LAMA1: variants seen among roughly 807,000 people sequenced by gnomAD.
LAMA1 encodes laminin subunit alpha-1.
Under a neutral mutation model 348.7 loss-of-function variants are expected in LAMA1, and 219 were observed. That is an observed-to-expected ratio of 0.63 (90% CI 0.56 to 0.70). The LOEUF (loss-of-function observed/expected upper bound fraction) is 0.70, where lower values mean the gene tolerates loss of function less well. Ranked by LOEUF, LAMA1 falls within the 30% of genes least tolerant of loss-of-function variation. The probability of loss-of-function intolerance (pLI) is 0.00; values close to 1 mark genes in which losing one functional copy is unlikely to be tolerated. For synonymous variants in LAMA1, 1,487 were observed against 1,491.0 expected (o/e 1.00, Z 0.06); for missense variants, 3,744 against 3,888.0 (o/e 0.96, Z 0.99).
At chr18:7,022,886 C>T (rs945299574) in intron 19 of LAMA1, among the ~76,000 whole-genome samples, 7 of 152,092 alleles carry the variant, frequency 4.6e-5, no homozygotes, top group Non-Finnish European at 7.4e-5. Flanking sequence ...GGAGCAGAGC[C>T]GGAACTCTGT....
rs762479359 is a variant in LAMA1 at position 7,040,109 on chromosome 18, A to G, written c.1389T>C (p.Ser463=). ...CACAGGGCCCTGTGCAGGGCTCATC[A>G]CTGGCACTGCCCACTGGGTTGCACC... ...SCGCNPVGSA[S]DEPCTGPCVC... is the part of the protein sequence containing the mutation. The change falls in exon 10 of 63, where the codon AGT becomes AGC. Residue 463 remains serine (S), a synonymous_variant. Coordinates refer to ENST00000389658, the MANE Select transcript of LAMA1 (RefSeq NM_005559.4). The G allele has an allele frequency of 6.2e-7, 1 of 1,614,060 alleles. No individual in the cohort carries two copies. The highest frequency in any genetic ancestry group is 1.1e-5 in the South Asian group (1 of 91,072).
At chr18:6,988,808 TAA>T (rs1169877701) in intron 36 of LAMA1, among the ~76,000 whole-genome samples, 10 of 100,452 alleles carry the variant, frequency 1.0e-4, no homozygotes, top group East Asian at 5.8e-4. Flanking sequence ...TCCGTCTCAA[TAA>T]AAAAAAAAAA....
chr18:7,038,697 G>A, intron 11 of LAMA1, 113 bp downstream of exon 11: 2 of 1,369,692 alleles, frequency 1.5e-6, no homozygotes, highest in South Asian at 1.2e-5. Flanking sequence ...ATTGCATAGC[G>A]ATGAGAGTGG....
Position 7,034,643 on chromosome 18 carries a change from C to T in LAMA1, c.1887G>A (p.Gln629=), listed in dbSNP as rs1303885526. 1.2e-6 allele frequency: 2 copies of T among 1,614,070 alleles called. No homozygotes were observed. The highest frequency in any genetic ancestry group is 1.3e-5 in the African/African-American group (1 of 74,938). The change falls in exon 14 of 63, where the codon CAG becomes CAA. Residue 629 remains glutamine (Q), a synonymous_variant. Coordinates refer to ENST00000389658, the MANE Select transcript of LAMA1 (RefSeq NM_005559.4). ...LSTQAEGLSL[Q]PYEEYLNVVR... is the part of the protein sequence containing the mutation. ...CCACGTTTAGGTACTCTTCATAAGG[C>T]TGCAATGACAGACCCTCAGCCTGTG...
At chr18:6,995,283 C>T in intron 34 of LAMA1, 74 bp downstream of exon 34, 4 of 971,538 alleles carry the variant, frequency 4.1e-6, no homozygotes, top group Non-Finnish European at 6.7e-6. Flanking sequence ...TTCCAGACAG[C>T]CCCAAGGCAA....
chr18:6,982,362 GAA>G, intron 41 of LAMA1, 133 bp downstream of exon 41: 1 of 806,996 alleles, frequency 1.2e-6, no homozygotes, highest in Non-Finnish European at 2.2e-6. Context: ...TATATGATAG[GAA>G]ATTGGAATAT....
In LAMA1 at chr18:7,117,662, C is replaced by T. The variant is rs1171968974; in HGVS notation, c.59G>A (p.Arg20Lys). ...CCTAGGACCCGGGCCGGGCTCACCT[C>T]TCTGCCGGCACTGCGCGGCGACACA... ...LLCVAAQCRQ[R>K]GLFPAILNLA... Residue 20 changes from arginine to lysine, a missense_variant and splice_region_variant, in exon 1 of 63, where the codon AGA becomes AAA. Around this residue, in one of 3 missense-constraint regions of LAMA1, gnomAD observed 1,529 missense variants for 1,689.4 expected, o/e 0.91. Coordinates refer to ENST00000389658, the MANE Select transcript of LAMA1 (RefSeq NM_005559.4). 6.3e-7 allele frequency: 1 copy of T among 1,598,172 alleles called. No individual in the cohort carries two copies. The highest frequency in any genetic ancestry group is 8.5e-7 in the Non-Finnish European group (1 of 1,178,610).
At position 6,943,282 on chromosome 18, in the gene LAMA1, T is replaced by TA. The variant is rs2143959141; in HGVS notation, c.8964dup (p.Ile2989TyrfsTer6). On this transcript the variant is annotated frameshift_variant, in exon 62 of 63. Transcript: ENST00000389658. LOFTEE classifies it high-confidence loss of function. ...GCGTTCCCGTCAACAATCAGAGTGA[T>TA]ACGGTGTTTGCTTTTGTTAGCTTGA... 1 of 1,614,218 alleles carries TA rather than the reference T, an allele frequency of 6.2e-7. No homozygotes were observed. The highest frequency in any genetic ancestry group is 2.2e-5 in the East Asian group (1 of 44,874).
intron 3 of LAMA1, among the ~76,000 whole-genome samples, chr18:7,062,946 C>T (rs942396480): frequency 6.6e-6 from 1 of 152,148 alleles, no homozygotes; most frequent in Admixed American, 6.5e-5. Context: ...AGAAAACACA[C>T]GAGCATCACA....
chr18:7,093,868 G>A (rs1222040146), intron 1 of LAMA1, among the ~76,000 whole-genome samples: 4 of 150,378 alleles, frequency 2.7e-5, no homozygotes, highest in East Asian at 4.0e-4. Flanking sequence ...TCCGCCTCCC[G>A]GGTTCAAGGG....
At chr18:7,070,474 G>A (rs2143763958) in intron 3 of LAMA1, among the ~76,000 whole-genome samples, 1 of 152,272 alleles carries the variant, frequency 6.6e-6, no homozygotes, top group Admixed American at 6.5e-5. Flanking sequence ...CCTTGTCGAT[G>A]TGCTTAATAA....
chr18:6,994,759 A>G (rs2057773864), intron 34 of LAMA1, among the ~76,000 whole-genome samples: 1 of 152,140 alleles, frequency 6.6e-6, no homozygotes, highest in Non-Finnish European at 1.5e-5. Flanking sequence ...CACCATCTGC[A>G]GAAGGGGAGA....
At position 6,943,184 on chromosome 18, in the gene LAMA1, A is replaced by G. The variant is rs962082562; in HGVS notation, c.9063T>C (p.Tyr3021=). 3 of 1,613,954 alleles carry G rather than the reference A, an allele frequency of 1.9e-6. No homozygotes were observed. The highest frequency in any genetic ancestry group is 1.1e-5 in the South Asian group (1 of 91,070). ...DTNNPIYVGG[Y]PAGVKQKCLR... ...AGAGCAGGTACCCGTACATACCAGG[A>G]TAGCCACCAACATAAATGGGATTGT... The change falls in exon 62 of 63, where the codon TAT becomes TAC. Residue 3021 remains tyrosine (Y), a synonymous_variant. Transcript: ENST00000389658.
At chr18:7,101,657 T>C (rs954132394) in intron 1 of LAMA1, among the ~76,000 whole-genome samples, 16 of 152,280 alleles carry the variant, frequency 1.1e-4, no homozygotes, top group Middle Eastern at 3.4e-3. Flanking sequence ...AAAAAGTGGA[T>C]ACACGTTTTA....
rs200639472 is a variant in LAMA1 at position 6,961,611 on chromosome 18, C to T, written c.7601G>A (p.Arg2534Gln). The T allele has an allele frequency of 1.1e-4, 176 of 1,613,734 alleles. No homozygotes were observed. The highest frequency in any genetic ancestry group is 3.0e-4 in the Admixed American group (18 of 60,000). The change falls in exon 53 of 63, where the codon CGG (arginine) becomes CAG (glutamine). Residue 2534 changes from arginine to glutamine, a missense_variant. This residue lies in a region of LAMA1 where 1,983 missense variants were observed against 1,934.3 expected (regional missense o/e 1.03). Transcript: ENST00000389658. Reference protein sequence around the residue: ...LAALGGDVEKRGDREEAHVPF... With the variant: ...LAALGGDVEKQGDREEAHVPF... ...CACGTGTGCTTCCTCACGATCACCC[C>T]GCTTCTCCACATCCCCGCCGAGGGC...
chr18:7,072,438 T>C (rs1450677982), intron 3 of LAMA1, among the ~76,000 whole-genome samples: 2 of 152,100 alleles, frequency 1.3e-5, no homozygotes, highest in African/African-American at 4.8e-5. Flanking sequence ...CAAAACCCAA[T>C]AGTTAATACA....
intron 3 of LAMA1, among the ~76,000 whole-genome samples, chr18:7,057,471 CTTTTTTT>C (rs552843703): frequency 4.0e-4 from 36 of 90,808 alleles, no homozygotes; most frequent in Admixed American, 1.0e-3. Flanking sequence ...CTTTTCTTTT[CTTTTTTT>C]TTTTTTTTTT....
chr18:7,099,285 T>C (rs1009143394), intron 1 of LAMA1, among the ~76,000 whole-genome samples: 15 of 149,532 alleles, frequency 1.0e-4, no homozygotes, highest in African/African-American at 3.7e-4. Flanking sequence ...TCGTTAAGAG[T>C]CATCACCACT....
rs1458939115 is a variant in LAMA1, at chr18:7,023,260, C to T, written c.2605G>A (p.Glu869Lys). Residue 869 changes from glutamate (E) to lysine (K), a missense_variant, in exon 19 of 63, where the codon GAG (glutamate) becomes AAG (lysine). Glu to Lys is a moderately conservative substitution (Grantham distance 56). Transcript: ENST00000389658. ...GTGTTCCCCAGGCACTTCAGGCACT[C>T]CCCGGTGACTGAGTCACAGTGACCA... ...EAGHCDSVTG[E>K]CLKCLGNTDG... 1.2e-6 allele frequency: 2 copies of T among 1,613,984 alleles called. No homozygotes were observed. The highest frequency in any genetic ancestry group is 1.3e-5 in the African/African-American group (1 of 74,922).
Sources: gnomAD v4.1 joint callset for allele counts (sites outside exome capture counted in the v4.1 genomes callset) on GRCh38, gnomAD v4.1.1 for gene constraint, gnomAD v4.1.1 regional missense constraint, MANE v1.5 for transcripts, NCBI Gene and HGNC (gene_info 2026-07-23, HGNC 2026-07-21) for gene names.